HAPLN1: variants seen among roughly 807,000 people sequenced by gnomAD.
HAPLN1 encodes the protein Cartilage link protein.
Under a neutral mutation model 36.5 loss-of-function variants are expected in HAPLN1, and 13 were observed. The ratio of observed to expected loss-of-function variants is 0.36; its 90% CI spans 0.23 to 0.57. HAPLN1 has a LOEUF of 0.57. Among genes scored for constraint, HAPLN1 ranks in the 20% least tolerant of loss-of-function variants. The pLI is 0.83. For missense variants in HAPLN1, 407 were observed against 439.7 expected, an observed-to-expected ratio of 0.93 and a Z score of 0.66; for synonymous variants, 202 against 169.8, an observed-to-expected ratio of 1.19 and a Z score of -1.48.
intron 2 of HAPLN1, among the ~76,000 whole-genome samples, chr5:83,663,704 G>A (rs770630181): frequency 1.6e-4 from 24 of 151,744 alleles, no homozygotes; most frequent in African/African-American, 3.6e-4. Context: ...TCCATCCTTC[G>A]GTTCATGCCA....
At chr5:83,644,751 A>G in intron 3 of HAPLN1, 86 bp from the exon 4 acceptor site, 1 of 977,482 alleles carries the variant, frequency 1.0e-6, no homozygotes, top group Non-Finnish European at 1.4e-6. Flanking sequence ...GAAAAACCTA[A>G]CAGACCCTCC....
chr5:83,652,362 AC>A, intron 3 of HAPLN1, 90 bp downstream of exon 3: 2 of 1,314,564 alleles, frequency 1.5e-6, no homozygotes, highest in Non-Finnish European at 2.1e-6. Context: ...TCACTTTATT[AC>A]TGTGTTAACC....
rs766592060 is a variant in HAPLN1, at chr5:83,652,551, A to G, written c.374T>C (p.Val125Ala). 1.2e-6 allele frequency: 2 copies of G among 1,614,152 alleles called. No homozygotes were observed. Among genetic ancestry groups the G allele is most frequent in the Non-Finnish European group, 8.5e-7 (1 of 1,179,988 alleles). Reference protein sequence around the residue: ...KGGSDSDASLVITDLTLEDYG... With the variant: ...KGGSDSDASLAITDLTLEDYG... The stretch of plus-strand genomic sequence containing the variant: ...ATCTTCCAGAGTGAGGTCTGTGATG[A>G]CCAGAGAAGCATCACTATCACTGCC... The change falls in exon 3 of 5, where the codon GTC (valine) becomes GCC (alanine). Residue 125 changes from valine to alanine, a missense_variant. Physicochemically the swap from Val to Ala is moderately conservative, Grantham distance 64. Transcript: ENST00000274341.
intron 1 of HAPLN1, among the ~76,000 whole-genome samples, chr5:83,718,378 C>G (rs1281732975): frequency 6.6e-6 from 1 of 152,136 alleles, no homozygotes; most frequent in Non-Finnish European, 1.5e-5. Context: ...AGAAAGCCTT[C>G]TTTGACTTAT....
chr5:83,718,227 T>C (rs535899453), intron 1 of HAPLN1, among the ~76,000 whole-genome samples: 2 of 152,324 alleles, frequency 1.3e-5, no homozygotes, highest in Admixed American at 6.5e-5. Flanking sequence ...TCATAAACTG[T>C]TTAGTTGTAC....
intron 3 of HAPLN1, among the ~76,000 whole-genome samples, chr5:83,650,369 C>G (rs1750020059): frequency 6.6e-6 from 1 of 152,200 alleles, no homozygotes; most frequent in Non-Finnish European, 1.5e-5. Context: ...ACTTATTTTA[C>G]TGACTTCTGC....
chr5:83,640,521 T>C lies in HAPLN1; in HGVS notation c.*975A>G, dbSNP rs1034088922. 14 of 152,204 alleles carry C rather than the reference T, an allele frequency of 9.2e-5. No individual in the cohort carries two copies. The highest frequency in any genetic ancestry group is 1.9e-4 in the Non-Finnish European group (13 of 68,022). The allele number at this position is 152,204 out of a possible 1,614,324, so 9.4% of individuals were successfully genotyped here. A position where few individuals can be genotyped will look rare whatever the true frequency, so the allele number is the denominator to read the frequency against. ...GTTTCTGCATTAGGGATTCCTTTTA[T>C]AATGTAATTGATTTTCATATAATGT... On this transcript the variant is annotated 3_prime_UTR_variant, in exon 5 of 5. Coordinates refer to ENST00000274341, the MANE Select transcript of HAPLN1 (RefSeq NM_001884.4).
At chr5:83,712,658 T>G (rs1027647737) in intron 1 of HAPLN1, among the ~76,000 whole-genome samples, 1 of 152,104 alleles carries the variant, frequency 6.6e-6, no homozygotes, top group South Asian at 2.1e-4. Flanking sequence ...AAAATTTTGT[T>G]GGCATATTCT....
intron 2 of HAPLN1, among the ~76,000 whole-genome samples, chr5:83,670,127 G>A (rs996159715): frequency 3.3e-5 from 5 of 152,174 alleles, no homozygotes; most frequent in South Asian, 2.1e-4. Context: ...TTTGAAGAGT[G>A]TATTCATCAT....
At chr5:83,718,424 G>C (rs1297565024) in intron 1 of HAPLN1, among the ~76,000 whole-genome samples, 2 of 152,128 alleles carry the variant, frequency 1.3e-5, no homozygotes, top group African/African-American at 4.8e-5. Flanking sequence ...GCTTCACACA[G>C]TTAACCACCA....
intron 3 of HAPLN1, among the ~76,000 whole-genome samples, chr5:83,648,353 C>T (rs1749936541): frequency 7.2e-6 from 1 of 138,994 alleles, no homozygotes; most frequent in Non-Finnish European, 1.5e-5. Context: ...GTGCTTGGTA[C>T]TCTAGGATAT....
chr5:83,641,631 C>A lies in HAPLN1; in HGVS notation c.930G>T (p.Ala310=). The change falls in exon 5 of 5, where the codon GCG becomes GCT. Residue 310 remains alanine (A), a synonymous_variant. Coordinates refer to ENST00000274341, the MANE Select transcript of HAPLN1 (RefSeq NM_001884.4). ...GYDRCDAGWL[A]DGSVRYPISR... Reference sequence around the variant, plus strand: ...AGATGGGGTAGCGGACGCTGCCATCCGCCAACCAGCCCGCATCACAGCGGT... The same window carrying A: ...AGATGGGGTAGCGGACGCTGCCATCAGCCAACCAGCCCGCATCACAGCGGT... 1 of 1,614,174 alleles carries A rather than the reference C, an allele frequency of 6.2e-7. No individual in the cohort carries two copies. The highest frequency in any genetic ancestry group is 8.5e-7 in the Non-Finnish European group (1 of 1,180,034).
In HAPLN1 at chr5:83,703,507, G is replaced by C. The variant is rs1408220634; in HGVS notation, c.-27+17282C>G. ...AATGATTAGCATGGCCCCTGCGCAA[G>C]GATGACACACAAATTAGTAAAGTGT... On this transcript the variant is annotated intron_variant, in intron 1 of 4. Coordinates refer to ENST00000274341, the MANE Select transcript of HAPLN1 (RefSeq NM_001884.4). 3 of 152,104 alleles carry C rather than the reference G, an allele frequency of 2.0e-5. No homozygotes were observed. The East Asian group carries it at 5.8e-4, about 29-fold the overall frequency. 9.4% of individuals were successfully genotyped at this position (152,104 alleles called of 1,614,324 possible).
intron 2 of HAPLN1, among the ~76,000 whole-genome samples, chr5:83,664,965 G>A (rs943395964): frequency 5.9e-5 from 9 of 152,188 alleles, no homozygotes; most frequent in African/African-American, 2.2e-4. Context: ...TCTTAATTAA[G>A]ACCCTTTGTT....
At position 83,644,485 on chromosome 5, in the gene HAPLN1, G is replaced by A; in HGVS notation, c.653C>T (p.Pro218Leu). The A allele has an allele frequency of 6.2e-7, 1 of 1,613,156 alleles. No homozygotes were observed. Among genetic ancestry groups the A allele is most frequent in the East Asian group, 2.2e-5 (1 of 44,800 alleles). The change falls in exon 4 of 5, where the codon CCC becomes CTC. Residue 218 changes from proline (P) to leucine (L), a missense_variant. Transcript: ENST00000274341. Reference protein sequence around the residue: ...GWLSDGSVQYPITKPREPCGG... With the variant: ...GWLSDGSVQYLITKPREPCGG... ...ACAGGGCTCTCTGGGCTTTGTGATGGGATATTGCACAGAGCCATCACTGAG... is the reference window on the plus strand; with the variant it reads ...ACAGGGCTCTCTGGGCTTTGTGATGAGATATTGCACAGAGCCATCACTGAG...
intron 1 of HAPLN1, among the ~76,000 whole-genome samples, chr5:83,697,964 C>A (rs751624203): frequency 1.3e-5 from 2 of 151,948 alleles, no homozygotes; most frequent in Non-Finnish European, 2.9e-5. Flanking sequence ...ATATTTTTCT[C>A]CCAATCTTTT....
chr5:83,661,864 A>G lies in HAPLN1; in HGVS notation c.101-9040T>C, dbSNP rs555315353. Among the ~76,000 whole-genome samples the G allele has an allele frequency of 4.6e-5, 7 of 152,330 alleles. No homozygotes were observed. The South Asian group carries it at 1.2e-3, about 27-fold the overall frequency. On this transcript the variant is annotated intron_variant, in intron 2 of 4. Coordinates refer to ENST00000274341, the MANE Select transcript of HAPLN1 (RefSeq NM_001884.4). ...GGGGACCATTTTTACCTATTGCATCATGCAAAAGATGCCATGAAAAGGCTT... is the reference window on the plus strand; with the variant it reads ...GGGGACCATTTTTACCTATTGCATCGTGCAAAAGATGCCATGAAAAGGCTT...
At chr5:83,709,405 A>G (rs1350288) in intron 1 of HAPLN1, among the ~76,000 whole-genome samples, 41,552 of 151,818 alleles carry the variant, frequency 0.27, 6,167 homozygotes, top group Non-Finnish European at 0.34. Context: ...GTCTATTTCT[A>G]TTTTCTGTTT....
At chr5:83,701,934 AC>A (rs1283569691) in intron 1 of HAPLN1, among the ~76,000 whole-genome samples, 1 of 145,194 alleles carries the variant, frequency 6.9e-6, no homozygotes, top group African/African-American at 2.5e-5. Context: ...AAAAACACAC[AC>A]ACACACACAC....
Sources: gnomAD v4.1 joint callset for allele counts (sites outside exome capture counted in the v4.1 genomes callset) on GRCh38, gnomAD v4.1.1 for gene constraint, MANE v1.5 for transcripts, NCBI Gene and HGNC (gene_info 2026-07-23, HGNC 2026-07-21) for gene names.